HS3ST3B1: variants seen among roughly 807,000 people sequenced by gnomAD.
HS3ST3B1 encodes heparan sulfate-glucosamine 3-sulfotransferase 3B1, also known as heparan sulfate glucosamine 3-O-sulfotransferase 3B1.
A neutral mutation model predicts 21.3 loss-of-function variants in HS3ST3B1; 13 were observed. The ratio of observed to expected loss-of-function variants is 0.61; its 90% CI spans 0.40 to 0.97. HS3ST3B1 has a LOEUF of 0.97. Among genes scored for constraint, HS3ST3B1 ranks in the 50% least tolerant of loss-of-function variants. The pLI is 0.00. For synonymous variants in HS3ST3B1, 234 were observed against 254.8 expected (o/e 0.92, Z 0.78); for missense variants, 459 against 554.8 (o/e 0.83, Z 1.73).
chr17:14,303,212 C>G lies in HS3ST3B1; in HGVS notation c.554+1140C>G, dbSNP rs952029665. Among the ~76,000 whole-genome samples, 2 of 152,134 alleles carry G rather than the reference C, an allele frequency of 1.3e-5. No individual in the cohort carries two copies. Among genetic ancestry groups the G allele is most frequent in the African/African-American group, 4.8e-5 (2 of 41,416 alleles). On this transcript the variant is annotated intron_variant, in intron 1 of 1. Coordinates refer to ENST00000360954, the MANE Select transcript of HS3ST3B1 (RefSeq NM_006041.3). This position sits in a 1 kb window ranked among gnomAD's most constrained non-coding sequence, Gnocchi z 5.7. The stretch of plus-strand genomic sequence containing the variant: ...GGTCTCCACCCGTAACCCCAGCCAG[C>G]ACGACATTCAGACACCCCTCCAGGC...
intron 1 of HS3ST3B1, among the ~76,000 whole-genome samples, chr17:14,326,358 A>G (rs758752669): frequency 3.3e-5 from 5 of 152,184 alleles, no homozygotes; most frequent in Non-Finnish European, 1.5e-5. Flanking sequence ...ACGAGAAGCT[A>G]TGAACATTTC....
At chr17:14,306,881 T>C (rs1326372731) in intron 1 of HS3ST3B1, among the ~76,000 whole-genome samples, 2 of 152,190 alleles carry the variant, frequency 1.3e-5, no homozygotes, top group East Asian at 1.9e-4. Flanking sequence ...CAAACCATCA[T>C]GTTACAAAGC....
intron 1 of HS3ST3B1, among the ~76,000 whole-genome samples, chr17:14,323,328 C>T (rs1314411927): frequency 6.6e-6 from 1 of 152,168 alleles, no homozygotes; most frequent in Non-Finnish European, 1.5e-5. Flanking sequence ...AATTTGCATA[C>T]CTTTTTGTAG....
chr17:14,345,830 T>C lies in HS3ST3B1; in HGVS notation c.*184T>C, dbSNP rs1910553976. 1 of 762,678 alleles carries C rather than the reference T, an allele frequency of 1.3e-6. No individual in the cohort carries two copies. The highest frequency in any genetic ancestry group is 2.0e-6 in the Non-Finnish European group (1 of 504,848). 47.2% of individuals were successfully genotyped at this position (762,678 alleles called of 1,614,324 possible). A position where few individuals can be genotyped will look rare whatever the true frequency, so the allele number is the denominator to read the frequency against. Reference sequence around the variant, plus strand: ...CATAATCTGTTAACATTCCAAAGTGTTTAACTCTAGTATTTCGTTCTCTTC... The same window carrying C: ...CATAATCTGTTAACATTCCAAAGTGCTTAACTCTAGTATTTCGTTCTCTTC... On this transcript the variant is annotated 3_prime_UTR_variant, in exon 2 of 2. Transcript: ENST00000360954.
In HS3ST3B1 at chr17:14,333,019, G is replaced by C. The variant is rs1910068163; in HGVS notation, c.555-12009G>C. Among the ~76,000 whole-genome samples the C allele has an allele frequency of 2.0e-5, 3 of 152,022 alleles. No individual in the cohort carries two copies. In the South Asian group the frequency reaches 6.3e-4, roughly 32 times the overall value. On this transcript the variant is annotated intron_variant, in intron 1 of 1. Coordinates refer to ENST00000360954, the MANE Select transcript of HS3ST3B1 (RefSeq NM_006041.3). ...AAGAGCCCGCAGCTCCAAGAAACCAGGTGATGAGAATAATACCCATGATGT... is the reference window on the plus strand; with the variant it reads ...AAGAGCCCGCAGCTCCAAGAAACCACGTGATGAGAATAATACCCATGATGT...
chr17:14,301,848 C>G lies in HS3ST3B1; in HGVS notation c.330C>G (p.Ser110Arg). Residue 110 changes from serine (S) to arginine (R), a missense_variant, in exon 1 of 2, where the codon AGC becomes AGG. Ser to Arg is a moderately radical substitution (Grantham distance 110, BLOSUM62 -1). Around this residue, in one of 3 missense-constraint regions of HS3ST3B1, gnomAD observed 317 missense variants for 278.6 expected, o/e 1.14. Transcript: ENST00000360954. ...SGKEMAEGAASPEEQSPEVPD... is the reference protein window; with the variant it reads ...SGKEMAEGAARPEEQSPEVPD... ...AGGAGATGGCCGAGGGCGCTGCGAGCCCGGAGGAGCAGAGTCCCGAGGTGC... is the reference window on the plus strand; with the variant it reads ...AGGAGATGGCCGAGGGCGCTGCGAGGCCGGAGGAGCAGAGTCCCGAGGTGC... 6.3e-7 allele frequency: 1 copy of G among 1,592,542 alleles called. No individual in the cohort carries two copies. The highest frequency in any genetic ancestry group is 2.3e-5 in the East Asian group (1 of 44,046).
chr17:14,334,407 C>G (rs1020151551), intron 1 of HS3ST3B1, among the ~76,000 whole-genome samples: 4 of 151,896 alleles, frequency 2.6e-5, no homozygotes, highest in Non-Finnish European at 4.4e-5. Flanking sequence ...AGTGAATGTT[C>G]AGAGGAGCAA....
intron 1 of HS3ST3B1, among the ~76,000 whole-genome samples, chr17:14,325,613 G>A (rs1266902786): frequency 6.6e-6 from 1 of 152,206 alleles, no homozygotes; most frequent in Non-Finnish European, 1.5e-5. Context: ...GATAATCAGC[G>A]AGCGTGCTCT....
At chr17:14,308,005 C>T (rs568985229) in intron 1 of HS3ST3B1, among the ~76,000 whole-genome samples, 8 of 152,288 alleles carry the variant, frequency 5.3e-5, no homozygotes, top group African/African-American at 1.9e-4. Flanking sequence ...CGAATGAAAA[C>T]ATTTACCATG....
chr17:14,301,728 C>T lies in HS3ST3B1; in HGVS notation c.210C>T (p.Ala70=), dbSNP rs757426733. The stretch of plus-strand genomic sequence containing the variant: ...TGCTCCTGGGCTCTGGGTCCCGCGC[C>T]GCACACGACCCGCCAGCCCTGGCCA... ...GLLLLGSGSR[A]AHDPPALATA... The change falls in exon 1 of 2, where the codon GCC becomes GCT. Residue 70 remains alanine (A), a synonymous_variant. Coordinates refer to ENST00000360954, the MANE Select transcript of HS3ST3B1 (RefSeq NM_006041.3). 1.2e-6 allele frequency: 2 copies of T among 1,600,142 alleles called. No homozygotes were observed. Among genetic ancestry groups the T allele is most frequent in the South Asian group, 1.1e-5 (1 of 90,360 alleles).
At chr17:14,319,114 C>A (rs1006666649) in intron 1 of HS3ST3B1, among the ~76,000 whole-genome samples, 1 of 152,204 alleles carries the variant, frequency 6.6e-6, no homozygotes, top group Admixed American at 6.5e-5. Context: ...GAGGCACTAG[C>A]AGACAGCAGC....
At chr17:14,333,446 T>G (rs1910083531) in intron 1 of HS3ST3B1, among the ~76,000 whole-genome samples, 1 of 150,908 alleles carries the variant, frequency 6.6e-6, no homozygotes, top group African/African-American at 2.4e-5. Context: ...CCAGCCTGGG[T>G]GACCGAGTGA....
rs1033169293 is a variant in HS3ST3B1 at position 14,345,338 on chromosome 17, A to G, written c.865A>G (p.Ile289Val). 1.1e-5 allele frequency: 12 copies of G among 1,069,354 alleles called. No homozygotes were observed. In the East Asian group the frequency reaches 2.6e-4, roughly 23 times the overall value. 66.2% of individuals were successfully genotyped at this position (1,069,354 alleles called of 1,614,324 possible). ...GGAGCACTGGCTGCGCCACTTCCCC[A>G]TCCGCCAGATGCTCTTCGTGAGCGG... The part of the protein sequence containing the change: ...HLEHWLRHFP[I>V]RQMLFVSGER... Residue 289 changes from isoleucine to valine, a missense_variant, in exon 2 of 2, where the codon ATC becomes GTC. Ile to Val is a conservative substitution (Grantham distance 29, BLOSUM62 3). Transcript: ENST00000360954.
intron 1 of HS3ST3B1, among the ~76,000 whole-genome samples, chr17:14,332,647 G>T (rs143682509): frequency 5.3e-5 from 8 of 151,894 alleles, no homozygotes; most frequent in African/African-American, 1.7e-4. Context: ...ACCGGTTCTT[G>T]GGTCCCTCAT....
chr17:14,330,175 G>C (rs1909963918), intron 1 of HS3ST3B1, among the ~76,000 whole-genome samples: 1 of 152,130 alleles, frequency 6.6e-6, no homozygotes, highest in Admixed American at 6.6e-5. Flanking sequence ...ACACCTCCTG[G>C]GGGTGGTCTG....
intron 1 of HS3ST3B1, among the ~76,000 whole-genome samples, chr17:14,332,212 G>A (rs1410038533): frequency 2.0e-5 from 3 of 152,130 alleles, no homozygotes; most frequent in African/African-American, 7.2e-5. Context: ...GGCTGTTTTT[G>A]GGGGGTGAAT....
intron 1 of HS3ST3B1, among the ~76,000 whole-genome samples, chr17:14,331,465 G>T: frequency 6.6e-6 from 1 of 152,044 alleles, no homozygotes; most frequent in East Asian, 1.9e-4. Context: ...TTCATTTTCT[G>T]AGCAGTATTG....
chr17:14,313,126 G>GTGTATATATATATATATATATA (rs1567637239), intron 1 of HS3ST3B1, among the ~76,000 whole-genome samples: 10 of 48,786 alleles, frequency 2.0e-4, no homozygotes, highest in East Asian at 2.2e-3. Flanking sequence ...ATATATATGT[G>GTGTATATATATATATATATATA]TGTGTGTGTA....
In HS3ST3B1 at chr17:14,307,869, A is replaced by G. The variant is rs566757911; in HGVS notation, c.554+5797A>G. Reference sequence around the variant, plus strand: ...CGCTACCTCTCTCATTTAACAGTCGATGATTTCAGACAGTAAGAGAAATTT... The same window carrying G: ...CGCTACCTCTCTCATTTAACAGTCGGTGATTTCAGACAGTAAGAGAAATTT... On this transcript the variant is annotated intron_variant, in intron 1 of 1. Coordinates refer to ENST00000360954, the MANE Select transcript of HS3ST3B1 (RefSeq NM_006041.3). Among the ~76,000 whole-genome samples, 24 of 152,310 alleles carry G rather than the reference A, an allele frequency of 1.6e-4. No individual in the cohort carries two copies. The South Asian group carries it at 4.8e-3, about 30-fold the overall frequency.
Sources: gnomAD v4.1 joint callset for allele counts (sites outside exome capture counted in the v4.1 genomes callset) on GRCh38, gnomAD v4.1.1 for gene constraint, gnomAD v4.1.1 regional missense constraint, Gnocchi (gnomAD v3.1) non-coding constraint, MANE v1.5 for transcripts, NCBI Gene and HGNC (gene_info 2026-07-23, HGNC 2026-07-21) for gene names.